KANK1: variants seen among roughly 807,000 people sequenced by gnomAD.
KANK1 encodes the protein KN motif and ankyrin repeat domains 1.
In KANK1, 109 loss-of-function variants were observed where a neutral mutation model predicts 106.2. The observed-to-expected ratio is 1.03, with a 90% CI of 0.88 to 1.20. The LOEUF is 1.20. Among genes scored for constraint, KANK1 ranks in the 50% most tolerant of loss-of-function variants. The pLI is 0.00. For synonymous variants in KANK1, 873 were observed against 652.2 expected (o/e 1.34, Z -5.16); for missense variants, 2,399 against 1,710.7 (o/e 1.40, Z -7.10).
At chr9:546,668 C>T (rs1036391765) in intron 1 of KANK1, among the ~76,000 whole-genome samples, 1 of 151,872 alleles carries the variant, frequency 6.6e-6, no homozygotes, top group Admixed American at 6.6e-5. Flanking sequence ...CTCCCACCCC[C>T]ACTCCCCCAA....
At chr9:536,356 A>G (rs1279906253) in intron 1 of KANK1, among the ~76,000 whole-genome samples, 1 of 152,106 alleles carries the variant, frequency 6.6e-6, no homozygotes, top group Non-Finnish European at 1.5e-5. Context: ...AAAATACACA[A>G]AAGCACACAT....
chr9:529,922 C>G (rs1312940865), intron 1 of KANK1, among the ~76,000 whole-genome samples: 1 of 152,168 alleles, frequency 6.6e-6, no homozygotes, highest in South Asian at 2.1e-4. Flanking sequence ...GCACTTGTTT[C>G]TTTATATCGT....
chr9:524,543 T>G (rs1359839338), intron 1 of KANK1, among the ~76,000 whole-genome samples: 11 of 151,738 alleles, frequency 7.2e-5, no homozygotes. Flanking sequence ...TTTGAAACTG[T>G]GTCTTGGCCT....
intron 1 of KANK1, among the ~76,000 whole-genome samples, chr9:507,989 T>G (rs2058844641): frequency 6.6e-6 from 1 of 151,778 alleles, no homozygotes; most frequent in South Asian, 2.1e-4. Flanking sequence ...CTTGGCTAAT[T>G]TTTGTATTTT....
chr9:735,245 A>C (rs181894073), intron 7 of KANK1, among the ~76,000 whole-genome samples: 3 of 152,302 alleles, frequency 2.0e-5, no homozygotes, highest in African/African-American at 7.2e-5. Flanking sequence ...ATCTGAGCCA[A>C]GGTCAGCATT....
Position 730,169 on chromosome 9 carries a change from C to T in KANK1, c.2817C>T (p.Ser939=), listed in dbSNP as rs1412627379. 2 of 1,614,070 alleles carry T rather than the reference C, an allele frequency of 1.2e-6. No individual in the cohort carries two copies. The highest frequency in any genetic ancestry group is 2.7e-5 in the African/African-American group (2 of 74,922). Residue 939 remains serine (S), a synonymous_variant, in exon 4 of 12, where the codon AGC becomes AGT. Transcript: ENST00000382297. ...VGTSEGKPIS[S]LDAFPTQEGT... is the part of the protein sequence containing the mutation. ...CCTCAGAAGGAAAGCCAATCAGCAG[C>T]CTGGATGCCTTCCCCACTCAGGAAG...
chr9:498,904 G>A (rs558027011), intron 3 of KANK1, among the ~76,000 whole-genome samples: 3 of 152,196 alleles, frequency 2.0e-5, no homozygotes, highest in East Asian at 1.9e-4. Context: ...TTGGCTGGGC[G>A]AGGTGGCTCA....
chr9:477,288 AGCAGGAAT>A (rs982626927), intron 3 of KANK1, among the ~76,000 whole-genome samples: 9 of 151,870 alleles, frequency 5.9e-5, no homozygotes, highest in Non-Finnish European at 1.2e-4. Context: ...AGATTGTTAC[AGCAGGAAT>A]GCAAACAGAA....
At chr9:472,456 C>T (rs1564105489) in intron 2 of KANK1, among the ~76,000 whole-genome samples, 1 of 145,582 alleles carries the variant, frequency 6.9e-6, no homozygotes, top group South Asian at 2.1e-4. Context: ...CAGTTGCTGA[C>T]CCAGTTGCTG....
At chr9:537,975 C>G (rs2060390751) in intron 1 of KANK1, among the ~76,000 whole-genome samples, 1 of 152,110 alleles carries the variant, frequency 6.6e-6, no homozygotes, top group Non-Finnish European at 1.5e-5. Flanking sequence ...AACAAGTTGC[C>G]CTGAGTAGGC....
intron 2 of KANK1, among the ~76,000 whole-genome samples, chr9:695,956 G>C: frequency 6.6e-6 from 1 of 152,060 alleles, no homozygotes; most frequent in East Asian, 1.9e-4. Flanking sequence ...GATACTAAGA[G>C]GGCCATGTAC....
rs34810617 is a variant in KANK1, at chr9:674,672, G to A, written c.-83-2218G>A. ...AAAAATACCTTTTCTTTTCCCTGAG[G>A]GTTTTAAAGCAAATAAGACAGAAGG... On this transcript the variant is annotated intron_variant, in intron 1 of 11. Transcript: ENST00000382297. Among the ~76,000 whole-genome samples, 1,403 of 152,048 alleles carry A rather than the reference G, an allele frequency of 9.2e-3. 6 individuals carry two copies. The highest frequency in any genetic ancestry group is 0.014 in the Middle Eastern group (4 of 294).
chr9:619,884 C>G (rs1412788332), intron 1 of KANK1, among the ~76,000 whole-genome samples: 1 of 151,994 alleles, frequency 6.6e-6, no homozygotes, highest in Non-Finnish European at 1.5e-5. Flanking sequence ...CGCTTGTAAT[C>G]CCAGCATTTT....
chr9:520,223 G>A (rs1295763364), intron 1 of KANK1, among the ~76,000 whole-genome samples: 3 of 151,630 alleles, frequency 2.0e-5, no homozygotes, highest in Admixed American at 6.6e-5. Context: ...CTGTAGTCCC[G>A]GCTACCTGGG....
chr9:709,675 G>T (rs1476072898), intron 2 of KANK1, among the ~76,000 whole-genome samples: 1 of 149,338 alleles, frequency 6.7e-6, no homozygotes, highest in Non-Finnish European at 1.5e-5. Context: ...GAATGCAATG[G>T]TGTGACCTCG....
intron 1 of KANK1, among the ~76,000 whole-genome samples, chr9:628,905 C>T (rs1456108416): frequency 6.6e-6 from 1 of 150,868 alleles, no homozygotes; most frequent in Non-Finnish European, 1.5e-5. Flanking sequence ...ATGGCGAAAC[C>T]CCATCTCTAC....
chr9:578,009 C>T (rs1442584213), intron 1 of KANK1, among the ~76,000 whole-genome samples: 1 of 152,110 alleles, frequency 6.6e-6, no homozygotes, highest in Admixed American at 6.5e-5. Context: ...GCTAGGAGGC[C>T]TCCTTTCACC....
intron 3 of KANK1, among the ~76,000 whole-genome samples, chr9:723,161 C>CA (rs1264599583): frequency 6.6e-6 from 1 of 152,082 alleles, no homozygotes; most frequent in Non-Finnish European, 1.5e-5. Flanking sequence ...ACAGAATGGA[C>CA]AGAGTGGAGG....
intron 1 of KANK1, among the ~76,000 whole-genome samples, chr9:559,556 T>A (rs1350199741): frequency 6.6e-6 from 1 of 152,240 alleles, no homozygotes; most frequent in Non-Finnish European, 1.5e-5. Context: ...TTGAAAATGC[T>A]GTATAAACCT....
Sources: gnomAD v4.1 joint callset for allele counts (sites outside exome capture counted in the v4.1 genomes callset) on GRCh38, gnomAD v4.1.1 for gene constraint, MANE v1.5 for transcripts, NCBI Gene and HGNC (gene_info 2026-07-23, HGNC 2026-07-21) for gene names.